PLD5: variants seen among roughly 807,000 people sequenced by gnomAD.
The protein encoded by PLD5 is inactive phospholipase D5.
PLD5 carries 36 observed loss-of-function variants against 61.1 expected under a neutral mutation model. The ratio of observed to expected loss-of-function variants is 0.59; its 90% CI spans 0.45 to 0.78. The LOEUF (loss-of-function observed/expected upper bound fraction) is 0.78, where lower values mean the gene tolerates loss of function less well. PLD5 is among the 30% of genes least tolerant of loss of function. PLD5 has a pLI of 0.00. For synonymous variants in PLD5, 243 were observed against 242.8 expected, an observed-to-expected ratio of 1.00 and a Z score of -0.01; for missense variants, 515 against 644.4, an observed-to-expected ratio of 0.80 and a Z score of 2.17.
chr1:242,288,566 C>G, intron 2 of PLD5, 36 bp from the exon 3 acceptor site: 2 of 1,583,506 alleles, frequency 1.3e-6, no homozygotes, highest in Non-Finnish European at 1.7e-6. Context: ...CAAACAAAAT[C>G]TAGTCAAATT....
Position 242,163,146 on chromosome 1 carries a change from TCTTTCTTTTC to T in PLD5, c.736-38491_736-38482del, listed in dbSNP as rs1389294896. ...TCAAGTCTTTTATTTTCTTTTCTTTTCTTTCTTTTCTTGAGACGACGGAGTCTCACTCTGT... is the reference window on the plus strand; with the variant it reads ...TCAAGTCTTTTATTTTCTTTTCTTTTTTGAGACGACGGAGTCTCACTCTGT... On this transcript the variant is annotated intron_variant, in intron 5 of 9. Coordinates refer to ENST00000536534, the MANE Select transcript of PLD5 (RefSeq NM_001372062.1). 6.6e-5 allele frequency among the ~76,000 whole-genome samples: 9 copies of T among 137,104 alleles called. No homozygotes were observed. In the East Asian group the frequency reaches 1.1e-3, roughly 16 times the overall value. The allele number at this position is 137,104 out of a possible 152,430, so 89.9% of individuals were successfully genotyped here. A position where few individuals can be genotyped will look rare whatever the true frequency, so the allele number is the denominator to read the frequency against.
At chr1:242,353,598 G>T in intron 1 of PLD5, among the ~76,000 whole-genome samples, 1 of 152,054 alleles carries the variant, frequency 6.6e-6, no homozygotes, top group East Asian at 1.9e-4. Context: ...CAATAAATCT[G>T]TAAATTTCTT....
chr1:242,140,765 G>C (rs920805355), intron 5 of PLD5, among the ~76,000 whole-genome samples: 7 of 151,974 alleles, frequency 4.6e-5, no homozygotes, highest in Admixed American at 4.6e-4. Context: ...CAGAGAAACT[G>C]GGTTTGTCAG....
At chr1:242,159,242 A>T (rs1379144518) in intron 5 of PLD5, among the ~76,000 whole-genome samples, 1 of 152,198 alleles carries the variant, frequency 6.6e-6, no homozygotes, top group Non-Finnish European at 1.5e-5. Context: ...GGTAAAAGTC[A>T]TCTAGTTAAG....
chr1:242,330,006 TG>T (rs1558470665), intron 2 of PLD5, among the ~76,000 whole-genome samples: 2 of 152,180 alleles, frequency 1.3e-5, no homozygotes, highest in Non-Finnish European at 2.9e-5. Flanking sequence ...CAGTTTAAAC[TG>T]CATAAGTTGT....
intron 1 of PLD5, among the ~76,000 whole-genome samples, chr1:242,368,214 A>G (rs980653520): frequency 6.6e-6 from 1 of 152,086 alleles, no homozygotes; most frequent in Non-Finnish European, 1.5e-5. Flanking sequence ...AAACAACCAA[A>G]TATTTTCTTT....
chr1:242,524,241 G>A lies in PLD5; in HGVS notation c.36C>T (p.Ser12=). 1.3e-6 allele frequency: 2 copies of A among 1,510,304 alleles called. No homozygotes were observed. Among genetic ancestry groups the A allele is most frequent in the Non-Finnish European group, 1.8e-6 (2 of 1,134,734 alleles). 93.6% of individuals were successfully genotyped at this position (1,510,304 alleles called of 1,614,324 possible). The part of the protein sequence containing the change: ...EIRQHEWLSA[S]PHEGFEQMRL... ...TCATCTGCTCGAAGCCCTCATGGGGGGAGGCCGAGAGCCACTCGTGCTGCC... is the reference window on the plus strand; with the variant it reads ...TCATCTGCTCGAAGCCCTCATGGGGAGAGGCCGAGAGCCACTCGTGCTGCC... Residue 12 remains serine, a synonymous_variant, in exon 1 of 10, where the codon TCC becomes TCT. Transcript: ENST00000536534.
chr1:242,268,045 C>T (rs895469050), intron 3 of PLD5, among the ~76,000 whole-genome samples: 3 of 151,954 alleles, frequency 2.0e-5, no homozygotes, highest in Admixed American at 1.3e-4. Context: ...GAGGTAGGAG[C>T]TTGGATGGTG....
At chr1:242,250,579 G>A (rs1200709040) in intron 4 of PLD5, among the ~76,000 whole-genome samples, 2 of 152,124 alleles carry the variant, frequency 1.3e-5, no homozygotes, top group African/African-American at 4.8e-5. Flanking sequence ...AATTTAAATC[G>A]ATACATTCTT....
chr1:242,206,332 C>G (rs1201218941), intron 5 of PLD5, among the ~76,000 whole-genome samples: 7 of 152,218 alleles, frequency 4.6e-5, no homozygotes, highest in African/African-American at 1.7e-4. Context: ...TGATGCAGCT[C>G]TTGCCAGGTC....
At chr1:242,366,797 C>T (rs1226763099) in intron 1 of PLD5, among the ~76,000 whole-genome samples, 1 of 151,728 alleles carries the variant, frequency 6.6e-6, no homozygotes, top group Non-Finnish European at 1.5e-5. Context: ...CAGACATGTT[C>T]AATAAATATT....
chr1:242,293,031 A>G (rs1675456426), intron 2 of PLD5, among the ~76,000 whole-genome samples: 1 of 152,208 alleles, frequency 6.6e-6, no homozygotes. Context: ...CAGATGGATA[A>G]TGTTAACATC....
At chr1:242,274,886 T>C (rs369532111) in intron 3 of PLD5, among the ~76,000 whole-genome samples, 2 of 151,968 alleles carry the variant, frequency 1.3e-5, no homozygotes, top group South Asian at 2.1e-4. Flanking sequence ...CATTTAAGAG[T>C]GTCAACACTT....
rs1413063493 is a variant in PLD5, at chr1:242,288,585, C to T, written c.327-55G>A. On this transcript the variant is annotated intron_variant, in intron 2 of 9. Coordinates refer to ENST00000536534, the MANE Select transcript of PLD5 (RefSeq NM_001372062.1). Reference sequence around the variant, plus strand: ...CAAAATCTAGTCAAATTTGAAGCCACAGATCTTTATATATGCATACAGCAG... The same window carrying T: ...CAAAATCTAGTCAAATTTGAAGCCATAGATCTTTATATATGCATACAGCAG... 1.9e-6 allele frequency: 3 copies of T among 1,557,476 alleles called. No homozygotes were observed. In the Admixed American group the frequency reaches 5.9e-5, roughly 31 times the overall value.
intron 3 of PLD5, among the ~76,000 whole-genome samples, chr1:242,276,039 GA>G (rs1251716374): frequency 3.9e-5 from 6 of 152,004 alleles, no homozygotes; most frequent in East Asian, 3.9e-4. Context: ...CAATTGCAAT[GA>G]AAAAAAACTG....
At chr1:242,295,302 TG>T (rs1675593735) in intron 2 of PLD5, among the ~76,000 whole-genome samples, 1 of 152,158 alleles carries the variant, frequency 6.6e-6, no homozygotes, top group Non-Finnish European at 1.5e-5. Context: ...TCCTCCCTTT[TG>T]GGGTCTCCAG....
intron 2 of PLD5, among the ~76,000 whole-genome samples, chr1:242,332,502 A>G (rs1659245030): frequency 6.6e-6 from 1 of 152,212 alleles, no homozygotes; most frequent in African/African-American, 2.4e-5. Context: ...TCCCACCAAC[A>G]GTGTAAAAGC....
chr1:242,178,111 C>T (rs933132464), intron 5 of PLD5, among the ~76,000 whole-genome samples: 10 of 152,250 alleles, frequency 6.6e-5, no homozygotes, highest in African/African-American at 2.2e-4. Context: ...TGATTTCTAA[C>T]AACCTACCAG....
At chr1:242,106,725 C>T (rs182208169) in intron 8 of PLD5, among the ~76,000 whole-genome samples, 3 of 152,270 alleles carry the variant, frequency 2.0e-5, no homozygotes, top group African/African-American at 7.2e-5. Context: ...GCCCTTGATA[C>T]CCTGGGTCCC....
Sources: allele counts gnomAD v4.1 joint callset (sites outside exome capture counted in the v4.1 genomes callset), GRCh38; gene constraint gnomAD v4.1.1; transcripts MANE v1.5; gene names NCBI Gene and HGNC (gene_info 2026-07-23, HGNC 2026-07-21).